The following DOP1B variants were observed in gnomAD, a reference collection of about 807,000 sequenced individuals.
DOP1B encodes protein DOP1B.
A neutral mutation model predicts 233.5 loss-of-function variants in DOP1B; 174 were observed. The observed-to-expected ratio is 0.75, with a 90% CI of 0.66 to 0.85. The LOEUF is 0.85. DOP1B is among the 40% of genes least tolerant of loss of function. The pLI is 0.00. For missense variants in DOP1B, 2,652 were observed against 2,846.6 expected, an observed-to-expected ratio of 0.93 and a Z score of 1.56; for synonymous variants, 1,190 against 1,185.6, an observed-to-expected ratio of 1.00 and a Z score of -0.08.
Position 36,195,144 on chromosome 21 carries a change from C to T in DOP1B, c.139-3926C>T, listed in dbSNP as rs528536229. On this transcript the variant is annotated intron_variant, in intron 2 of 36. Transcript: ENST00000691173. ...TCACTTGTGGCCAGGAGTTCAAGAC[C>T]ATCCTGGCCAATGTGGCTCAACTTG... Among the ~76,000 whole-genome samples, 3 of 152,148 alleles carry T rather than the reference C, an allele frequency of 2.0e-5. No individual in the cohort carries two copies. In the East Asian group the frequency reaches 5.8e-4, roughly 30 times the overall value.
chr21:36,216,601 A>T (rs1194383874), intron 9 of DOP1B, among the ~76,000 whole-genome samples: 1 of 152,018 alleles, frequency 6.6e-6, no homozygotes, highest in African/African-American at 2.4e-5. Context: ...ACAGAGTGAG[A>T]CTCCGTCTCA....
At chr21:36,210,291 T>C (rs1339409072) in intron 5 of DOP1B, among the ~76,000 whole-genome samples, 1 of 152,034 alleles carries the variant, frequency 6.6e-6, no homozygotes, top group African/African-American at 2.4e-5. Context: ...GGTGAATCAC[T>C]TGAGGTCAGG....
intron 2 of DOP1B, chr21:36,169,362 C>G: frequency 1.2e-6 from 1 of 800,610 alleles, no homozygotes; most frequent in Admixed American, 1.7e-5. Flanking sequence ...TGGTGATGGT[C>G]GCCTTTCTGC....
At position 36,284,362 on chromosome 21, in the gene DOP1B, C is replaced by G. The variant is rs145595827; in HGVS notation, c.6160+2751C>G. ...CTCTGCTCACTGCAATCTCTGCCTC[C>G]CGGGTTCAAGCAATTCTCCTGCCTC... is the stretch of plus-strand genomic sequence containing the variant. On this transcript the variant is annotated intron_variant, in intron 32 of 36. Transcript: ENST00000691173. Among the ~76,000 whole-genome samples, 1,317 of 150,446 alleles carry G rather than the reference C, an allele frequency of 8.8e-3. 9 individuals are homozygous for G. Among genetic ancestry groups the G allele is most frequent in the Non-Finnish European group, 0.014 (934 of 67,812 alleles).
chr21:36,193,907 G>A (rs1057496737), intron 2 of DOP1B, among the ~76,000 whole-genome samples: 3 of 152,220 alleles, frequency 2.0e-5, no homozygotes, highest in African/African-American at 7.2e-5. Context: ...AAGAGGTCAT[G>A]TGTGTGGATT....
In DOP1B at chr21:36,218,319, G is replaced by A. The variant is rs529761368; in HGVS notation, c.1130-1053G>A. ...GGCCGAGGCAGGCAGATCACCTGAG[G>A]TCAGGAGTTCAAGACCAACATGGCA... On this transcript the variant is annotated intron_variant, in intron 9 of 36. Coordinates refer to ENST00000691173, the MANE Select transcript of DOP1B (RefSeq NM_001320714.2). Among the ~76,000 whole-genome samples the A allele has an allele frequency of 2.2e-3, 336 of 152,160 alleles. 3 individuals are homozygous for A. The highest frequency in any genetic ancestry group is 4.0e-3 in the Non-Finnish European group (270 of 67,988).
chr21:36,245,641 G>T lies in DOP1B; in HGVS notation c.3661G>T (p.Val1221Phe). Reference protein sequence around the residue: ...LKQQRERQEAVEALFKHILLY... With the variant: ...LKQQRERQEAFEALFKHILLY... ...GCAGCAGCGGGAAAGGCAGGAGGCC[G>T]TCGAGGCCTTGTTCAAGCACATCCT... Residue 1221 changes from valine to phenylalanine, a missense_variant, in exon 19 of 37, where the codon GTC (valine) becomes TTC (phenylalanine). Around this residue, in one of 3 missense-constraint regions of DOP1B, gnomAD observed 2,617 missense variants for 2,794.3 expected, o/e 0.94. Coordinates refer to ENST00000691173, the MANE Select transcript of DOP1B (RefSeq NM_001320714.2). The surrounding 1 kb of genome is among the most constrained non-coding windows in gnomAD (Gnocchi z 5.5). 6.2e-7 allele frequency: 1 copy of T among 1,613,422 alleles called. No homozygotes were observed. Among genetic ancestry groups the T allele is most frequent in the East Asian group, 2.2e-5 (1 of 44,858 alleles).
chr21:36,225,742 C>T, intron 12 of DOP1B, 75 bp downstream of exon 12: 1 of 1,422,204 alleles, frequency 7.0e-7, no homozygotes, highest in Non-Finnish European at 9.8e-7. Flanking sequence ...CCTGCTTTAT[C>T]AACCTCACAT....
intron 1 of DOP1B, among the ~76,000 whole-genome samples, chr21:36,157,465 G>A (rs1476049550): frequency 6.6e-6 from 1 of 152,232 alleles, no homozygotes; most frequent in Non-Finnish European, 1.5e-5. Flanking sequence ...GGGCCGCAGT[G>A]CGCGCTCTGC....
chr21:36,264,603 A>G (rs562800721), intron 26 of DOP1B, among the ~76,000 whole-genome samples: 29 of 152,024 alleles, frequency 1.9e-4, no homozygotes, highest in Non-Finnish European at 7.4e-5. Context: ...TCTCCCAAGT[A>G]GCTGAGATTA....
At position 36,210,767 on chromosome 21, in the gene DOP1B, A is replaced by G. The variant is rs564357076; in HGVS notation, c.682-786A>G. ...GCAGAGGTTGCAGTGAGTCAAGATC[A>G]CACCACTGCACTCCAGCCTGAGTGA... On this transcript the variant is annotated intron_variant, in intron 5 of 36. Transcript: ENST00000691173. 2.2e-3 allele frequency among the ~76,000 whole-genome samples: 339 copies of G among 152,132 alleles called. 1 individual carries two copies. Among genetic ancestry groups the G allele is most frequent in the African/African-American group, 7.9e-3 (329 of 41,502 alleles).
chr21:36,238,909 C>G (rs1183525437), intron 17 of DOP1B, among the ~76,000 whole-genome samples: 1 of 152,152 alleles, frequency 6.6e-6, no homozygotes, highest in Admixed American at 6.5e-5. Flanking sequence ...TAGAGACCAG[C>G]CTGGCCAACA....
In DOP1B at chr21:36,245,030, T is replaced by C. The variant is rs934693615; in HGVS notation, c.3068-18T>C. ...TGACCCTTCTGTCTAAAGTCATTTGTCATCTTGTAATTTTCAGATGACTTG... is the reference window on the plus strand; with the variant it reads ...TGACCCTTCTGTCTAAAGTCATTTGCCATCTTGTAATTTTCAGATGACTTG... On this transcript the variant is annotated intron_variant, in intron 18 of 36. Coordinates refer to ENST00000691173, the MANE Select transcript of DOP1B (RefSeq NM_001320714.2). This position sits in a 1 kb window ranked among gnomAD's most constrained non-coding sequence, Gnocchi z 5.5. 6.3e-6 allele frequency: 10 copies of C among 1,578,898 alleles called. No individual in the cohort carries two copies. Among genetic ancestry groups the C allele is most frequent in the Non-Finnish European group, 8.6e-6 (10 of 1,156,586 alleles).
intron 1 of DOP1B, among the ~76,000 whole-genome samples, chr21:36,161,325 G>A (rs1031313360): frequency 6.6e-6 from 1 of 152,072 alleles, no homozygotes; most frequent in African/African-American, 2.4e-5. Flanking sequence ...TTTTAGTAGA[G>A]ATGGAGTTTC....
In DOP1B at chr21:36,257,726, GTAGA is replaced by G. The variant is rs1222279560; in HGVS notation, c.5260-2945_5260-2942del. Among the ~76,000 whole-genome samples, 736 of 144,344 alleles carry G rather than the reference GTAGA, an allele frequency of 5.1e-3. 3 individuals are homozygous for G. Among genetic ancestry groups the G allele is most frequent in the African/African-American group, 0.016 (647 of 39,494 alleles). 94.7% of individuals were successfully genotyped at this position (144,344 alleles called of 152,430 possible). ...GAGATGGATGTAGGTAGGTAGGTAG[GTAGA>G]TAGATGTAGGTAGGTAGGTAGATGT... On this transcript the variant is annotated intron_variant, in intron 23 of 36. Transcript: ENST00000691173.
chr21:36,257,955 AGATGTAGGTAGGTAGGTAGATGTAGGT>A (rs1468587946), intron 23 of DOP1B, among the ~76,000 whole-genome samples: 23 of 98,684 alleles, frequency 2.3e-4, no homozygotes, highest in Non-Finnish European at 3.4e-4. Flanking sequence ...AGATGTAGGT[AGATGTAGGTAGGTAGGTAGATGTAGGT>A]AGGTAGGTAG....
chr21:36,173,427 T>C (rs1010054266), intron 2 of DOP1B, among the ~76,000 whole-genome samples: 15 of 149,346 alleles, frequency 1.0e-4, no homozygotes, highest in African/African-American at 3.7e-4. Flanking sequence ...AGTTTATCTT[T>C]TTTTTTTTTT....
chr21:36,262,798 C>T (rs11908709), intron 24 of DOP1B, among the ~76,000 whole-genome samples: 16,118 of 151,790 alleles, frequency 0.11, 1,742 homozygotes, highest in African/African-American at 0.28. Flanking sequence ...GGCTGAAGAA[C>T]GAGAATCGCT....
intron 1 of DOP1B, among the ~76,000 whole-genome samples, chr21:36,157,238 C>T (rs1043261080): frequency 4.0e-5 from 6 of 151,856 alleles, no homozygotes; most frequent in Non-Finnish European, 8.8e-5. Flanking sequence ...GATATGATGC[C>T]GGCCACGCCC....
Sources: gnomAD v4.1 joint callset for allele counts (sites outside exome capture counted in the v4.1 genomes callset) on GRCh38, gnomAD v4.1.1 for gene constraint, gnomAD v4.1.1 regional missense constraint, Gnocchi (gnomAD v3.1) non-coding constraint, MANE v1.5 for transcripts, NCBI Gene and HGNC (gene_info 2026-07-23, HGNC 2026-07-21) for gene names.